TSNARE1: variants seen among roughly 807,000 people sequenced by gnomAD.
TSNARE1 encodes t-SNARE domain-containing protein 1.
In TSNARE1, 49 loss-of-function variants were observed where a neutral mutation model predicts 62.0. That is an observed-to-expected ratio of 0.79 (90% CI 0.63 to 1.00). TSNARE1 has a LOEUF of 1.00. Ranked by LOEUF, TSNARE1 falls within the 50% of genes least tolerant of loss-of-function variation. The pLI is 0.00. For missense variants in TSNARE1, 755 were observed against 700.1 expected, an observed-to-expected ratio of 1.08 and a Z score of -0.88; for synonymous variants, 328 against 294.4, an observed-to-expected ratio of 1.11 and a Z score of -1.17.
chr8:142,279,323 G>C (rs935385129), intron 11 of TSNARE1, among the ~76,000 whole-genome samples: 1 of 152,216 alleles, frequency 6.6e-6, no homozygotes, highest in African/African-American at 2.4e-5. Flanking sequence ...CCGGCCACAC[G>C]ACACCAGGCG....
chr8:142,307,501 G>A (rs4075364), intron 9 of TSNARE1, among the ~76,000 whole-genome samples: 2,891 of 152,188 alleles, frequency 0.019, 31 homozygotes, highest in East Asian at 0.039. Context: ...TACAACCTAC[G>A]CACATCCTCC....
intron 9 of TSNARE1, among the ~76,000 whole-genome samples, chr8:142,312,667 C>CA (rs1563888150): frequency 6.6e-6 from 1 of 152,200 alleles, no homozygotes; most frequent in South Asian, 2.1e-4. Flanking sequence ...TAGACTCTCA[C>CA]ATCACGCACA....
At chr8:142,398,055 T>C (rs968016336) in intron 1 of TSNARE1, among the ~76,000 whole-genome samples, 1 of 152,104 alleles carries the variant, frequency 6.6e-6, no homozygotes, top group African/African-American at 2.4e-5. Context: ...CAGACCTGCC[T>C]ACTAGGAGTC....
At chr8:142,240,594 G>A (rs1430180280) in intron 12 of TSNARE1, among the ~76,000 whole-genome samples, 1 of 152,178 alleles carries the variant, frequency 6.6e-6, no homozygotes, top group Non-Finnish European at 1.5e-5. Flanking sequence ...AAAGTTCTAG[G>A]CTATAAAGCA....
At chr8:142,348,664 C>T (rs948335717) in intron 2 of TSNARE1, among the ~76,000 whole-genome samples, 1 of 150,706 alleles carries the variant, frequency 6.6e-6, no homozygotes, top group Non-Finnish European at 1.5e-5. Flanking sequence ...CCCCCGCTCC[C>T]GCCCCAGGCT....
intron 1 of TSNARE1, among the ~76,000 whole-genome samples, chr8:142,357,232 C>T (rs1337745145): frequency 6.6e-6 from 1 of 152,212 alleles, no homozygotes; most frequent in Non-Finnish European, 1.5e-5. Flanking sequence ...GCCCCTCACG[C>T]CCCGTGAGAC....
intron 12 of TSNARE1, among the ~76,000 whole-genome samples, chr8:142,231,156 A>G (rs772007113): frequency 6.6e-6 from 1 of 152,138 alleles, no homozygotes; most frequent in South Asian, 2.1e-4. Flanking sequence ...AACTGTCTCA[A>G]TGTCATTGCA....
At chr8:142,329,945 C>T (rs1484909160) in intron 6 of TSNARE1, among the ~76,000 whole-genome samples, 4 of 152,238 alleles carry the variant, frequency 2.6e-5, no homozygotes, top group African/African-American at 4.8e-5. Flanking sequence ...TGAACGGAGC[C>T]GCCGTGAGGA....
At chr8:142,346,430 C>T (rs1247896927) in intron 2 of TSNARE1, among the ~76,000 whole-genome samples, 2 of 152,270 alleles carry the variant, frequency 1.3e-5, no homozygotes, top group African/African-American at 4.8e-5. Context: ...GCACGGAACG[C>T]ATCGTAATTT....
At chr8:142,278,220 G>T (rs1820816481) in intron 11 of TSNARE1, 1 of 985,318 alleles carries the variant, frequency 1.0e-6, no homozygotes, top group African/African-American at 1.7e-5. Flanking sequence ...GGGTTGGCTG[G>T]GTCTACATGC....
chr8:142,229,119 T>TGG, intron 13 of TSNARE1, among the ~76,000 whole-genome samples: 1 of 142,936 alleles, frequency 7.0e-6, no homozygotes, highest in Non-Finnish European at 1.5e-5. Flanking sequence ...GATGGATGGA[T>TGG]AAATGGATGG....
chr8:142,269,991 G>C, intron 12 of TSNARE1: 1 of 985,458 alleles, frequency 1.0e-6, no homozygotes, highest in Non-Finnish European at 1.2e-6. Flanking sequence ...CTGTGCCAGA[G>C]CTTCCCCGGA....
At chr8:142,256,103 CCACCACCATCACCAT>C (rs1282038982) in intron 12 of TSNARE1, among the ~76,000 whole-genome samples, 14 of 133,176 alleles carry the variant, frequency 1.1e-4, no homozygotes, top group Admixed American at 9.2e-4. Flanking sequence ...GTCAGCATCA[CCACCACCATCACCAT>C]CACCACCATC....
chr8:142,321,873 C>T (rs1280008029), intron 6 of TSNARE1, among the ~76,000 whole-genome samples: 1 of 152,122 alleles, frequency 6.6e-6, no homozygotes, highest in Non-Finnish European at 1.5e-5. Context: ...ATGCAATCCC[C>T]TAGAAAACAG....
intron 13 of TSNARE1, among the ~76,000 whole-genome samples, chr8:142,214,639 G>A (rs371041844): frequency 3.3e-5 from 5 of 152,272 alleles, no homozygotes; most frequent in South Asian, 2.1e-4. Flanking sequence ...CCCCTGCTAC[G>A]GTCTGAGTGC....
At chr8:142,222,292 T>TTCATC (rs1816345456) in intron 13 of TSNARE1, among the ~76,000 whole-genome samples, 1 of 22,726 alleles carries the variant, frequency 4.4e-5, no homozygotes, top group South Asian at 1.7e-3. Flanking sequence ...TCATTCACTC[T>TTCATC]CACTCATTCA....
At chr8:142,277,078 C>T (rs1219414237) in intron 11 of TSNARE1, 2 of 985,252 alleles carry the variant, frequency 2.0e-6, no homozygotes, top group African/African-American at 1.7e-5. Flanking sequence ...CACTCCAATA[C>T]CTCATCAGCC....
intron 1 of TSNARE1, among the ~76,000 whole-genome samples, chr8:142,391,468 G>A (rs899393491): frequency 6.6e-6 from 1 of 152,222 alleles, no homozygotes; most frequent in African/African-American, 2.4e-5. Context: ...GTCCCCACTT[G>A]CAACATTGCA....
At chr8:142,351,387 A>G (rs1483852364) in intron 2 of TSNARE1, among the ~76,000 whole-genome samples, 1 of 152,264 alleles carries the variant, frequency 6.6e-6, no homozygotes, top group African/African-American at 2.4e-5. Flanking sequence ...AGCAGGAAAG[A>G]AAGTTTTTAC....
Sources: gnomAD v4.1 joint callset for allele counts (sites outside exome capture counted in the v4.1 genomes callset) on GRCh38, gnomAD v4.1.1 for gene constraint, MANE v1.5 for transcripts, NCBI Gene and HGNC (gene_info 2026-07-23, HGNC 2026-07-21) for gene names.